ADK: variants seen among roughly 807,000 people sequenced by gnomAD.
ADK encodes the protein N6,N6-dimethyladenosine kinase.
A neutral mutation model predicts 44.7 loss-of-function variants in ADK; 24 were observed. The ratio of observed to expected loss-of-function variants is 0.54; its 90% CI spans 0.39 to 0.76. The LOEUF (loss-of-function observed/expected upper bound fraction) is 0.76. Ranked by LOEUF, ADK falls within the 30% of genes least tolerant of loss-of-function variation. The probability of loss-of-function intolerance (pLI) is 0.00; values close to 1 mark genes in which losing one functional copy is unlikely to be tolerated. For missense variants in ADK, 321 were observed against 425.1 expected, an observed-to-expected ratio of 0.76 and a Z score of 2.15; for synonymous variants, 128 against 142.6, an observed-to-expected ratio of 0.90 and a Z score of 0.73.
intron 1 of ADK, among the ~76,000 whole-genome samples, chr10:74,175,048 G>A (rs1264207801): frequency 2.0e-5 from 3 of 152,186 alleles, no homozygotes; most frequent in Non-Finnish European, 4.4e-5. Flanking sequence ...CTGTTCTGTA[G>A]AAATATAATG....
intron 4 of ADK, among the ~76,000 whole-genome samples, chr10:74,384,753 A>T (rs1432295632): frequency 6.6e-6 from 1 of 152,172 alleles, no homozygotes; most frequent in Non-Finnish European, 1.5e-5. Flanking sequence ...CCTGAAACCT[A>T]AGTAGGAAGC....
At chr10:74,437,169 C>T (rs1335639551) in intron 6 of ADK, among the ~76,000 whole-genome samples, 2 of 152,014 alleles carry the variant, frequency 1.3e-5, no homozygotes, top group Non-Finnish European at 2.9e-5. Context: ...AATGTTTAAT[C>T]ATAAACAATT....
intron 7 of ADK, among the ~76,000 whole-genome samples, chr10:74,587,857 A>G (rs920154032): frequency 1.3e-5 from 2 of 152,040 alleles, no homozygotes; most frequent in African/African-American, 4.8e-5. Context: ...AAAGGATTTG[A>G]TTACACATAT....
chr10:74,677,363 C>T (rs1855428669), intron 10 of ADK, among the ~76,000 whole-genome samples: 1 of 152,188 alleles, frequency 6.6e-6, no homozygotes, highest in Non-Finnish European at 1.5e-5. Flanking sequence ...TCATGTGGCA[C>T]CTATCTATAC....
At chr10:74,274,748 A>ATATATATATATATAT (rs1846600422) in intron 3 of ADK, among the ~76,000 whole-genome samples, 1 of 90,538 alleles carries the variant, frequency 1.1e-5, no homozygotes, top group South Asian at 3.0e-4. Flanking sequence ...ATATATATAT[A>ATATATATATATATAT]CACACACACA....
chr10:74,492,401 A>C (rs1847522252), intron 6 of ADK, among the ~76,000 whole-genome samples: 1 of 152,166 alleles, frequency 6.6e-6, no homozygotes, highest in Non-Finnish European at 1.5e-5. Context: ...CAAGAGTTCG[A>C]GTCTGACCTG....
Position 74,678,566 on chromosome 10 carries a change from T to C in ADK, c.964+8297T>C, listed in dbSNP as rs142084808. ...TAATGGAATTGAAAGGAGTTTATCT[T>C]CTGGGAATGTGGATAAGACACAGAC... On this transcript the variant is annotated intron_variant, in intron 10 of 10. Transcript: ENST00000539909. 4.2e-4 allele frequency among the ~76,000 whole-genome samples: 64 copies of C among 152,344 alleles called. 1 individual carries two copies. The East Asian group carries it at 0.01, about 24-fold the overall frequency.
At chr10:74,568,626 T>G (rs1446278838) in intron 7 of ADK, among the ~76,000 whole-genome samples, 1 of 151,528 alleles carries the variant, frequency 6.6e-6, no homozygotes, top group Non-Finnish European at 1.5e-5. Context: ...GTTGCCCATT[T>G]CTATGGTTAT....
intron 1 of ADK, among the ~76,000 whole-genome samples, chr10:74,185,944 G>A (rs1328148591): frequency 6.6e-6 from 1 of 151,458 alleles, no homozygotes; most frequent in African/African-American, 2.4e-5. Context: ...CTCTCCTGGG[G>A]TCAAGGGATT....
chr10:74,262,775 C>T (rs1047919586), intron 3 of ADK, among the ~76,000 whole-genome samples: 3 of 152,156 alleles, frequency 2.0e-5, no homozygotes, highest in Non-Finnish European at 2.9e-5. Context: ...ATTGATAAAA[C>T]ATGTATTTGT....
At chr10:74,493,840 G>A (rs1249711292) in intron 6 of ADK, among the ~76,000 whole-genome samples, 1 of 152,040 alleles carries the variant, frequency 6.6e-6, no homozygotes, top group African/African-American at 2.4e-5. Flanking sequence ...CTCATCTTTG[G>A]TAAGGTCAGA....
At chr10:74,352,921 C>T (rs1222053290) in intron 4 of ADK, among the ~76,000 whole-genome samples, 1 of 152,192 alleles carries the variant, frequency 6.6e-6, no homozygotes, top group African/African-American at 2.4e-5. Flanking sequence ...ACAACAGTTG[C>T]TGTTGAGGTT....
Position 74,708,687 on chromosome 10 carries a change from A to C in ADK, c.*242A>C. 1 of 375,928 alleles carries C rather than the reference A, an allele frequency of 2.7e-6. No individual in the cohort carries two copies. Among genetic ancestry groups the C allele is most frequent in the South Asian group, 2.7e-5 (1 of 36,900 alleles). The allele number at this position is 375,928 out of a possible 1,614,324, so 23.3% of individuals were successfully genotyped here. On this transcript the variant is annotated 3_prime_UTR_variant, in exon 11 of 11. Coordinates refer to ENST00000539909, the MANE Select transcript of ADK (RefSeq NM_006721.4). ...GCCACTTAAATGCCAATTAAACAAG[A>C]ATATAACATTTCAATAGAAATTTTT...
intron 1 of ADK, among the ~76,000 whole-genome samples, chr10:74,162,437 A>AT (rs961123773): frequency 2.6e-5 from 4 of 151,514 alleles, no homozygotes; most frequent in Admixed American, 6.6e-5. Context: ...TTGGCCTTTC[A>AT]TTTTTTTGTT....
intron 9 of ADK, among the ~76,000 whole-genome samples, chr10:74,664,916 G>A (rs1191474879): frequency 6.6e-6 from 1 of 152,074 alleles, no homozygotes; most frequent in Admixed American, 6.6e-5. Flanking sequence ...AAATACATTA[G>A]GACAATTAAG....
chr10:74,667,812 T>C (rs1855018897), intron 9 of ADK, among the ~76,000 whole-genome samples: 2 of 152,044 alleles, frequency 1.3e-5, no homozygotes, highest in East Asian at 1.9e-4. Flanking sequence ...GGATTACAGA[T>C]GTGAGCCACC....
chr10:74,225,711 G>C (rs1233050722), intron 3 of ADK, among the ~76,000 whole-genome samples: 2 of 152,114 alleles, frequency 1.3e-5, no homozygotes, highest in African/African-American at 2.4e-5. Context: ...CCTTTCATCA[G>C]TATTTTTATA....
At chr10:74,216,540 C>T (rs774642247) in intron 2 of ADK, among the ~76,000 whole-genome samples, 1 of 151,790 alleles carries the variant, frequency 6.6e-6, no homozygotes, top group African/African-American at 2.4e-5. Context: ...GCCTGGCCAA[C>T]GTGGTGAAAC....
rs117345624 is a variant in ADK, at chr10:74,628,954, T to C, written c.877+28461T>C. 1.1e-4 allele frequency among the ~76,000 whole-genome samples: 17 copies of C among 152,224 alleles called. No homozygotes were observed. The East Asian group carries it at 3.3e-3, about 29-fold the overall frequency. Reference sequence around the variant, plus strand: ...TTCCTAGGATTAGTGCAGAATACAATTTATTAAGCTAGAACAGAAGCTTTG... The same window carrying C: ...TTCCTAGGATTAGTGCAGAATACAACTTATTAAGCTAGAACAGAAGCTTTG... On this transcript the variant is annotated intron_variant, in intron 9 of 10. Coordinates refer to ENST00000539909, the MANE Select transcript of ADK (RefSeq NM_006721.4).
Sources: allele counts gnomAD v4.1 joint callset (sites outside exome capture counted in the v4.1 genomes callset), GRCh38; gene constraint gnomAD v4.1.1; transcripts MANE v1.5; gene names NCBI Gene and HGNC (gene_info 2026-07-23, HGNC 2026-07-21).